Variants in ENPP3 observed in about 807,000 individuals in gnomAD.
The protein encoded by ENPP3 is ectonucleotide pyrophosphatase/phosphodiesterase family member 3.
A neutral mutation model predicts 117.8 loss-of-function variants in ENPP3; 104 were observed. The observed-to-expected ratio is 0.88, with a 90% CI of 0.75 to 1.04. ENPP3 has a LOEUF of 1.04. ENPP3 is among the 50% of genes least tolerant of loss of function. The probability of loss-of-function intolerance (pLI) is 0.00; values close to 1 mark genes in which losing one functional copy is unlikely to be tolerated. For synonymous variants in ENPP3, 380 were observed against 349.9 expected (o/e 1.09, Z -0.96); for missense variants, 1,026 against 1,051.9 (o/e 0.98, Z 0.34).
intron 6 of ENPP3, among the ~76,000 whole-genome samples, chr6:131,660,378 G>A (rs1236854151): frequency 6.6e-6 from 1 of 152,194 alleles, no homozygotes; most frequent in Non-Finnish European, 1.5e-5. Flanking sequence ...AGTCATATTA[G>A]TGACTGTTAA....
At chr6:131,679,029 CTTT>C (rs757950227) in intron 11 of ENPP3, among the ~76,000 whole-genome samples, 3,673 of 82,364 alleles carry the variant, frequency 0.045, 103 homozygotes, top group Middle Eastern at 0.061. Flanking sequence ...TTCCTTCCTT[CTTT>C]CTTTCTTTCT....
chr6:131,734,744 A>G (rs928642630), intron 21 of ENPP3, among the ~76,000 whole-genome samples: 1 of 151,938 alleles, frequency 6.6e-6, no homozygotes, highest in Admixed American at 6.6e-5. Flanking sequence ...TCTACTAAAA[A>G]TAGAAAAATT....
intron 15 of ENPP3, among the ~76,000 whole-genome samples, chr6:131,695,299 A>C (rs1197628755): frequency 1.3e-5 from 2 of 152,188 alleles, no homozygotes; most frequent in South Asian, 2.1e-4. Context: ...ACAGAAGGAG[A>C]AAGAGCTGTA....
intron 15 of ENPP3, among the ~76,000 whole-genome samples, chr6:131,716,677 A>C (rs1225436815): frequency 0.025 from 6 of 244 alleles, no homozygotes; most frequent in Non-Finnish European, 0.048. Context: ...TTTATAATTA[A>C]AAAAATAGAG....
Position 131,718,296 on chromosome 6 carries a change from T to C in ENPP3, c.1413-376T>C, listed in dbSNP as rs537810629. ...CTATTCTTCAGCATATAGTCATTGATGTGTAAAGGTACACCCATGAGCTTG... is the reference window on the plus strand; with the variant it reads ...CTATTCTTCAGCATATAGTCATTGACGTGTAAAGGTACACCCATGAGCTTG... On this transcript the variant is annotated intron_variant, in intron 15 of 24. Transcript: ENST00000357639. Among the ~76,000 whole-genome samples, 8 of 152,314 alleles carry C rather than the reference T, an allele frequency of 5.3e-5. No homozygotes were observed. In the South Asian group the frequency reaches 1.7e-3, roughly 32 times the overall value.
intron 12 of ENPP3, among the ~76,000 whole-genome samples, chr6:131,683,793 C>T (rs989658504): frequency 6.6e-6 from 1 of 150,612 alleles, no homozygotes; most frequent in Non-Finnish European, 1.5e-5. Context: ...CTCTGTCACC[C>T]AGGCTGGAAT....
At chr6:131,670,074 T>C (rs549265217) in intron 6 of ENPP3, among the ~76,000 whole-genome samples, 8 of 152,310 alleles carry the variant, frequency 5.3e-5, no homozygotes, top group Admixed American at 3.9e-4. Flanking sequence ...ATTGCACAGA[T>C]TGAAAACAAC....
intron 6 of ENPP3, among the ~76,000 whole-genome samples, chr6:131,663,536 A>G (rs1426809256): frequency 6.6e-6 from 1 of 150,790 alleles, no homozygotes; most frequent in Admixed American, 6.6e-5. Flanking sequence ...AAAAAAAAAA[A>G]AAAAAAAAGT....
At chr6:131,693,441 T>C (rs1779333059) in intron 14 of ENPP3, 56 bp from the exon 15 acceptor site, 2 of 1,506,516 alleles carry the variant, frequency 1.3e-6, no homozygotes, top group Non-Finnish European at 1.8e-6. Flanking sequence ...AGATGAACTT[T>C]TAAAATTAAT....
At chr6:131,730,337 T>C (rs1361540040) in intron 20 of ENPP3, among the ~76,000 whole-genome samples, 1 of 152,194 alleles carries the variant, frequency 6.6e-6, no homozygotes, top group Non-Finnish European at 1.5e-5. Context: ...ATGATATGTT[T>C]TTGAAAGAAT....
chr6:131,740,846 T>C (rs909288446), intron 24 of ENPP3, among the ~76,000 whole-genome samples: 3 of 152,196 alleles, frequency 2.0e-5, no homozygotes, highest in African/African-American at 7.2e-5. Context: ...CTAGCTATCT[T>C]GAAATATACA....
At chr6:131,679,086 T>TTTCTTTCC (rs1778964086) in intron 11 of ENPP3, among the ~76,000 whole-genome samples, 2 of 115,488 alleles carry the variant, frequency 1.7e-5, no homozygotes, top group East Asian at 2.4e-4. Context: ...TCTTTCTTTC[T>TTTCTTTCC]TTTCTTCTTT....
intron 15 of ENPP3, chr6:131,708,897 T>G (rs9398993): frequency 1.2e-6 from 2 of 1,607,694 alleles, no homozygotes; most frequent in East Asian, 2.2e-5. Context: ...TTGTATCCAC[T>G]GGAAACAATG....
At chr6:131,693,118 TAC>T (rs553322229) in intron 14 of ENPP3, among the ~76,000 whole-genome samples, 11 of 144,280 alleles carry the variant, frequency 7.6e-5, no homozygotes, top group Non-Finnish European at 1.1e-4. Context: ...TATGGTTATA[TAC>T]ACACACACAC....
chr6:131,639,265 A>ATTTTTT (rs1554259595), intron 1 of ENPP3, among the ~76,000 whole-genome samples: 1,213 of 107,116 alleles, frequency 0.011, 18 homozygotes, highest in East Asian at 0.034. Flanking sequence ...ATATATATAT[A>ATTTTTT]TTTTTTTTTT....
At chr6:131,674,727 G>C (rs189121688) in intron 8 of ENPP3, among the ~76,000 whole-genome samples, 1 of 151,550 alleles carries the variant, frequency 6.6e-6, no homozygotes, top group Admixed American at 6.6e-5. Flanking sequence ...GCACCACCAC[G>C]CCCAGCTAAT....
intron 11 of ENPP3, 86 bp from the exon 12 acceptor site, chr6:131,682,968 T>A (rs902777498): frequency 1.2e-6 from 1 of 815,694 alleles, no homozygotes; most frequent in African/African-American, 1.7e-5. Context: ...GAGATGGAGA[T>A]GTGTTTAATT....
At chr6:131,699,235 C>CAAAAGAAAAA (rs1779474857) in intron 15 of ENPP3, among the ~76,000 whole-genome samples, 2 of 107,976 alleles carry the variant, frequency 1.9e-5, no homozygotes, top group African/African-American at 7.8e-5. Flanking sequence ...AAGACTGTCT[C>CAAAAGAAAAA]AAAAAAAAAA....
chr6:131,740,293 G>T lies in ENPP3; in HGVS notation c.2370G>T (p.Lys790Asn), dbSNP rs1184382654. The T allele has an allele frequency of 8.1e-6, 13 of 1,613,238 alleles. No homozygotes were observed. The East Asian group carries it at 1.6e-4, about 19-fold the overall frequency. The change falls in exon 24 of 25, where the codon AAG (lysine) becomes AAT (asparagine). Residue 790 changes from lysine to asparagine, a missense_variant. Coordinates refer to ENST00000357639, the MANE Select transcript of ENPP3 (RefSeq NM_005021.5). ...YFVVLTSCKN[K>N]SHTPENCPGW... ...TGGTGCTGACCAGTTGTAAAAACAA[G>T]AGCCACACACCGGAAAACTGCCCTG...
Sources: gnomAD v4.1 joint callset for allele counts (sites outside exome capture counted in the v4.1 genomes callset) on GRCh38, gnomAD v4.1.1 for gene constraint, MANE v1.5 for transcripts, NCBI Gene and HGNC (gene_info 2026-07-23, HGNC 2026-07-21) for gene names.